The following PTPRT variants were observed in gnomAD, a reference collection of about 807,000 sequenced individuals.
PTPRT encodes the protein receptor-type tyrosine-protein phosphatase T.
PTPRT carries 56 observed loss-of-function variants against 176.8 expected under a neutral mutation model. That is an observed-to-expected ratio of 0.32 (90% CI 0.26 to 0.40). The LOEUF (loss-of-function observed/expected upper bound fraction) is 0.40. Ranked by LOEUF, PTPRT falls within the 10% of genes least tolerant of loss-of-function variation. The pLI is 1.00. For missense variants in PTPRT, 1,540 were observed against 1,908.2 expected, an observed-to-expected ratio of 0.81 and a Z score of 3.60; for synonymous variants, 783 against 739.0, an observed-to-expected ratio of 1.06 and a Z score of -0.96.
At chr20:42,809,727 C>A (rs527887399) in intron 2 of PTPRT, among the ~76,000 whole-genome samples, 3 of 152,254 alleles carry the variant, frequency 2.0e-5, no homozygotes, top group Non-Finnish European at 4.4e-5. Flanking sequence ...CTCCTCATGC[C>A]TCGCATTTCA....
intron 9 of PTPRT, among the ~76,000 whole-genome samples, chr20:42,427,953 C>T (rs112155593): frequency 1.1e-4 from 17 of 152,284 alleles, no homozygotes; most frequent in African/African-American, 3.8e-4. Flanking sequence ...TTTCCATTAC[C>T]TTCCCAAATC....
At chr20:42,312,643 T>A (rs1419327013) in intron 12 of PTPRT, among the ~76,000 whole-genome samples, 3 of 152,076 alleles carry the variant, frequency 2.0e-5, no homozygotes, top group African/African-American at 7.2e-5. Context: ...CTCATCCAAT[T>A]CCATTCCTGC....
rs149356339 is a variant in PTPRT, at chr20:43,087,578, G to T, written c.88+102068C>A. ...AGCCTTTCACCATGTTGGCCAGGCT[G>T]GTCTCAAACTCCTGACCTCAAGTGA... is the stretch of plus-strand genomic sequence containing the variant. On this transcript the variant is annotated intron_variant, in intron 1 of 30. Transcript: ENST00000373187. Among the ~76,000 whole-genome samples, 199 of 151,974 alleles carry T rather than the reference G, an allele frequency of 1.3e-3. 2 individuals carry two copies. The highest frequency in any genetic ancestry group is 4.5e-3 in the African/African-American group (187 of 41,434).
chr20:42,489,258 C>A (rs1263086935), intron 7 of PTPRT, among the ~76,000 whole-genome samples: 1 of 152,044 alleles, frequency 6.6e-6, no homozygotes, highest in Non-Finnish European at 1.5e-5. Flanking sequence ...GTTCCAGGCA[C>A]ATGGTCAGGT....
intron 7 of PTPRT, among the ~76,000 whole-genome samples, chr20:42,495,439 TTC>T (rs917228473): frequency 6.6e-6 from 1 of 152,110 alleles, no homozygotes; most frequent in African/African-American, 2.4e-5. Flanking sequence ...CACCTATACT[TTC>T]TCTCTTTATT....
Position 43,083,349 on chromosome 20 carries a change from T to TATACATATATATATATATATATATATAC in PTPRT, c.88+106296_88+106297insGTATATATATATATATATATATATGTAT, listed in dbSNP as rs2011508263. 6.8e-5 allele frequency among the ~76,000 whole-genome samples: 8 copies of TATACATATATATATATATATATATATAC among 117,380 alleles called. 1 individual carries two copies. Among genetic ancestry groups the TATACATATATATATATATATATATATAC allele is most frequent in the African/African-American group, 2.8e-4 (8 of 28,780 alleles). 77.0% of individuals were successfully genotyped at this position (117,380 alleles called of 152,430 possible). On this transcript the variant is annotated intron_variant, in intron 1 of 30. Coordinates refer to ENST00000373187, the MANE Select transcript of PTPRT (RefSeq NM_007050.6). ...ATATATATATATATATATATATATA[T>TATACATATATATATATATATATATATAC]ATATATATATATATATATATACATT... is the stretch of plus-strand genomic sequence containing the variant.
chr20:42,921,002 C>G (rs1218251313), intron 1 of PTPRT, among the ~76,000 whole-genome samples: 10 of 152,140 alleles, frequency 6.6e-5, no homozygotes, highest in Admixed American at 6.5e-5. Flanking sequence ...CAAATTTTAA[C>G]TACTGAGGTT....
At chr20:42,820,999 T>C (rs1198643377) in intron 2 of PTPRT, among the ~76,000 whole-genome samples, 1 of 152,226 alleles carries the variant, frequency 6.6e-6, no homozygotes, top group Non-Finnish European at 1.5e-5. Flanking sequence ...CAGGAGCTGG[T>C]ACCATTCCTT....
chr20:42,452,394 GAGAGA>G (rs1456264474), intron 8 of PTPRT, among the ~76,000 whole-genome samples: 3 of 152,134 alleles, frequency 2.0e-5, no homozygotes, highest in Admixed American at 2.0e-4. Context: ...CTCCTTTTGT[GAGAGA>G]AGAGGAGAGG....
At chr20:42,298,348 T>A (rs1400843381) in intron 12 of PTPRT, among the ~76,000 whole-genome samples, 8 of 152,194 alleles carry the variant, frequency 5.3e-5, no homozygotes, top group Non-Finnish European at 1.0e-4. Context: ...CCACACAAAC[T>A]GTTTACAAGG....
chr20:42,521,297 T>C (rs1288714465), intron 7 of PTPRT, among the ~76,000 whole-genome samples: 2 of 152,154 alleles, frequency 1.3e-5, no homozygotes, highest in East Asian at 3.9e-4. Flanking sequence ...TCTCCTATCT[T>C]ACAAATGTAT....
intron 2 of PTPRT, among the ~76,000 whole-genome samples, chr20:42,842,766 G>A (rs977437358): frequency 6.6e-6 from 1 of 152,160 alleles, no homozygotes; most frequent in South Asian, 2.1e-4. Context: ...CAAAGATCAA[G>A]GTGGTGGCAG....
chr20:43,127,853 C>T (rs1376919258), intron 1 of PTPRT, among the ~76,000 whole-genome samples: 1 of 152,178 alleles, frequency 6.6e-6, no homozygotes, highest in Admixed American at 6.5e-5. Context: ...AAGCCCATTC[C>T]TTCCATGCTA....
intron 9 of PTPRT, among the ~76,000 whole-genome samples, chr20:42,413,936 C>T (rs2059040239): frequency 6.6e-6 from 1 of 152,102 alleles, no homozygotes; most frequent in South Asian, 2.1e-4. Context: ...CCGCAACCTC[C>T]GCCTCCCAGG....
At chr20:43,034,562 A>G (rs1375035347) in intron 1 of PTPRT, among the ~76,000 whole-genome samples, 1 of 151,514 alleles carries the variant, frequency 6.6e-6, no homozygotes, top group Admixed American at 6.6e-5. Context: ...AAAAAATTAA[A>G]CAGCCTCAGG....
chr20:42,174,016 T>C (rs1990182168), intron 16 of PTPRT, among the ~76,000 whole-genome samples: 1 of 152,158 alleles, frequency 6.6e-6, no homozygotes, highest in African/African-American at 2.4e-5. Flanking sequence ...CAAATATTGG[T>C]TGGCAAAGAA....
At chr20:43,181,013 T>C (rs117670096) in intron 1 of PTPRT, among the ~76,000 whole-genome samples, 6,483 of 152,198 alleles carry the variant, frequency 0.043, 191 homozygotes, top group Non-Finnish European at 0.066. Flanking sequence ...TCTCTCCGGC[T>C]CTCTCACTTG....
chr20:42,202,557 T>C (rs983135560), intron 15 of PTPRT, among the ~76,000 whole-genome samples: 4 of 152,208 alleles, frequency 2.6e-5, no homozygotes, highest in Admixed American at 6.5e-5. Flanking sequence ...CTGCTTCTGA[T>C]GACATTTTGA....
chr20:42,232,245 G>T (rs1339234294), intron 15 of PTPRT, among the ~76,000 whole-genome samples: 1 of 152,182 alleles, frequency 6.6e-6, no homozygotes, highest in Admixed American at 6.5e-5. Context: ...ACACTTCAAT[G>T]AAATCAGTGT....
Sources: allele counts gnomAD v4.1 joint callset (sites outside exome capture counted in the v4.1 genomes callset), GRCh38; gene constraint gnomAD v4.1.1; transcripts MANE v1.5; gene names NCBI Gene and HGNC (gene_info 2026-07-23, HGNC 2026-07-21).